CELF2: variants seen among roughly 807,000 people sequenced by gnomAD.
CELF2 encodes the protein CUGBP Elav-like family member 2.
Under a neutral mutation model 62.6 loss-of-function variants are expected in CELF2, and 8 were observed. The observed-to-expected ratio is 0.13, with a 90% confidence interval of 0.07 to 0.23. The LOEUF is 0.23. Ranked by LOEUF, CELF2 falls within the 10% of genes least tolerant of loss-of-function variation. The pLI, the probability that CELF2 is intolerant of heterozygous loss-of-function variation, is 1.00. For missense variants in CELF2, 333 were observed against 671.0 expected, an observed-to-expected ratio of 0.50 and a Z score of 5.56; for synonymous variants, 258 against 250.0, an observed-to-expected ratio of 1.03 and a Z score of -0.30.
intron 2 of CELF2, among the ~76,000 whole-genome samples, chr10:11,185,083 G>C (rs1565156257): frequency 6.6e-6 from 1 of 152,094 alleles, no homozygotes; most frequent in Non-Finnish European, 1.5e-5. Flanking sequence ...ATCAGGAATG[G>C]ATATTAGATT....
the CELF2 span, among the ~76,000 whole-genome samples, chr10:10,745,835 T>C: frequency 6.6e-6 from 1 of 152,232 alleles, no homozygotes; most frequent in Non-Finnish European, 1.5e-5. Flanking sequence ...CCTCTGTACT[T>C]GAGCAGGGAT....
rs897127289 is a variant in CELF2 at position 11,311,202 on chromosome 10, G to A, written c.977-2937G>A. On this transcript the variant is annotated intron_variant, in intron 9 of 12. Transcript: ENST00000633077. The surrounding 1 kb of genome is among the most constrained non-coding windows in gnomAD (Gnocchi z 4.7). ...CAAAACATAGTGCTGGGTAGGGCCA[G>A]GGGAATTTCCCTCTGAGAATTCATA... Among the ~76,000 whole-genome samples the A allele has an allele frequency of 3.3e-5, 5 of 152,190 alleles. No individual in the cohort carries two copies. The highest frequency in any genetic ancestry group is 1.2e-4 in the African/African-American group (5 of 41,426).
intron 9 of CELF2, among the ~76,000 whole-genome samples, chr10:11,301,590 G>A (rs912910893): frequency 4.2e-5 from 6 of 144,446 alleles, no homozygotes; most frequent in Admixed American, 3.4e-4. Context: ...TCTCCAGGAC[G>A]GGCTTGGACT....
chr10:10,955,845 G>A (rs750662924), intron 2 of CELF2, among the ~76,000 whole-genome samples: 1 of 152,178 alleles, frequency 6.6e-6, no homozygotes, highest in African/African-American at 2.4e-5. Flanking sequence ...AGGCATCACA[G>A]GGGTCCCTTC....
At chr10:10,557,653 T>C in the CELF2 span, among the ~76,000 whole-genome samples, 2 of 152,076 alleles carry the variant, frequency 1.3e-5, no homozygotes, top group East Asian at 1.9e-4. Context: ...ATATTGATTC[T>C]TCCTGCCCAT....
At chr10:10,499,196 A>T in the CELF2 span, among the ~76,000 whole-genome samples, 1 of 151,478 alleles carries the variant, frequency 6.6e-6, no homozygotes, top group East Asian at 2.0e-4. Context: ...CCTCCCAAGT[A>T]GCTGGGAATA....
the CELF2 span, among the ~76,000 whole-genome samples, chr10:10,503,220 C>G: frequency 6.6e-6 from 1 of 151,926 alleles, no homozygotes; most frequent in Non-Finnish European, 1.5e-5. Flanking sequence ...GTGGGATATT[C>G]TATAAATATT....
the CELF2 span, among the ~76,000 whole-genome samples, chr10:10,753,798 A>C: frequency 6.6e-6 from 1 of 152,220 alleles, no homozygotes; most frequent in East Asian, 1.9e-4. Context: ...ACTATAGAAA[A>C]AACATGGCCC....
intron 4 of CELF2, among the ~76,000 whole-genome samples, chr10:11,249,694 C>T (rs11257031): frequency 0.18 from 27,284 of 152,176 alleles, 2,833 homozygotes; most frequent in South Asian, 0.29. Context: ...TGCTCCAATG[C>T]ATTTGCATCA....
In CELF2 at chr10:10,995,343, A is replaced by G. The variant is rs1283445946; in HGVS notation, c.89+75344A>G. ...CTGAGATGATGTCATCGAATTAATCATATGTTCAGCCAGCCAGTATTTTTG... is the reference window on the plus strand; with the variant it reads ...CTGAGATGATGTCATCGAATTAATCGTATGTTCAGCCAGCCAGTATTTTTG... On this transcript the variant is annotated intron_variant, in intron 2 of 13. Coordinates refer to the CELF2 transcript ENST00000636488. This position sits in a 1 kb window ranked among gnomAD's most constrained non-coding sequence, Gnocchi z 4.7. 2.0e-5 allele frequency among the ~76,000 whole-genome samples: 3 copies of G among 152,278 alleles called. No individual in the cohort carries two copies. The highest frequency in any genetic ancestry group is 2.1e-4 in the South Asian group (1 of 4,822).
At chr10:10,857,627 T>A (rs927099206) in intron 1 of CELF2, among the ~76,000 whole-genome samples, 1 of 130,364 alleles carries the variant, frequency 7.7e-6, no homozygotes, top group African/African-American at 3.0e-5. Context: ...TATAAATATA[T>A]GTGGTAAACT....
the CELF2 span, among the ~76,000 whole-genome samples, chr10:10,720,524 G>A: frequency 6.6e-6 from 1 of 152,154 alleles, no homozygotes; most frequent in Non-Finnish European, 1.5e-5. Flanking sequence ...CCTATGTTGG[G>A]AGACCCAATG....
intron 1 of CELF2, among the ~76,000 whole-genome samples, chr10:11,048,535 C>G (rs920807655): frequency 6.6e-6 from 1 of 152,212 alleles, no homozygotes; most frequent in Admixed American, 6.5e-5. Context: ...TTTATCCCAC[C>G]TCTACTTCCC....
At chr10:11,042,234 T>A (rs1176156389) in intron 1 of CELF2, among the ~76,000 whole-genome samples, 2 of 152,236 alleles carry the variant, frequency 1.3e-5, no homozygotes, top group Non-Finnish European at 2.9e-5. Context: ...GTATATTTGA[T>A]CCCGAGCTTT....
the CELF2 span, among the ~76,000 whole-genome samples, chr10:10,615,029 C>T: frequency 3.3e-5 from 5 of 151,986 alleles, no homozygotes; most frequent in Admixed American, 2.6e-4. Context: ...ACAGTTTGGT[C>T]GGTCTGGCTC....
At chr10:10,634,790 TA>T in the CELF2 span, among the ~76,000 whole-genome samples, 1 of 151,790 alleles carries the variant, frequency 6.6e-6, no homozygotes, top group African/African-American at 2.4e-5. Context: ...GCCTCCCGAG[TA>T]GCTGGGACTA....
chr10:10,530,849 T>C, the CELF2 span, among the ~76,000 whole-genome samples: 3 of 152,196 alleles, frequency 2.0e-5, no homozygotes, highest in Non-Finnish European at 4.4e-5. Context: ...ACTTTTTAAA[T>C]TTTAGATGCA....
the CELF2 span, among the ~76,000 whole-genome samples, chr10:10,690,759 A>C: frequency 2.0e-5 from 3 of 152,126 alleles, no homozygotes; most frequent in Non-Finnish European, 4.4e-5. Context: ...GCACGCCTAT[A>C]ATACCAGCTA....
rs758735409 is a variant in CELF2, at chr10:11,305,585, C to G, written c.977-8554C>G. ...AGAAGGAAGGTTGGGGGGTTCAGCTCTCAGCTCTGTTGGAGATATTATACG... is the reference window on the plus strand; with the variant it reads ...AGAAGGAAGGTTGGGGGGTTCAGCTGTCAGCTCTGTTGGAGATATTATACG... On this transcript the variant is annotated intron_variant, in intron 9 of 12. Coordinates refer to ENST00000633077, the MANE Select transcript of CELF2 (RefSeq NM_001326342.2). The surrounding 1 kb of genome is among the most constrained non-coding windows in gnomAD (Gnocchi z 4.8). Among the ~76,000 whole-genome samples the G allele has an allele frequency of 8.5e-5, 13 of 152,206 alleles. No homozygotes were observed. The highest frequency in any genetic ancestry group is 4.1e-4 in the South Asian group (2 of 4,826).
Sources: allele counts gnomAD v4.1 joint callset (sites outside exome capture counted in the v4.1 genomes callset), GRCh38; gene constraint gnomAD v4.1.1; non-coding constraint Gnocchi (gnomAD v3.1); transcripts MANE v1.5; gene names NCBI Gene and HGNC (gene_info 2026-07-23, HGNC 2026-07-21).